Variants in MAD1L1 observed in about 807,000 individuals in gnomAD.
The protein encoded by MAD1L1 is mitotic arrest deficient 1 like 1.
A neutral mutation model predicts 96.9 loss-of-function variants in MAD1L1; 95 were observed. The ratio of observed to expected loss-of-function variants is 0.98; its 90% CI spans 0.83 to 1.16. MAD1L1 has a LOEUF of 1.16. MAD1L1 is among the 50% of genes most tolerant of loss of function. The pLI, the probability that MAD1L1 is intolerant of heterozygous loss-of-function variation, is 0.00. For missense variants in MAD1L1, 1,007 were observed against 954.4 expected (o/e 1.06, Z -0.73); for synonymous variants, 473 against 396.6 (o/e 1.19, Z -2.29).
At chr7:2,068,848 G>A (rs757398392) in intron 12 of MAD1L1, among the ~76,000 whole-genome samples, 2 of 152,210 alleles carry the variant, frequency 1.3e-5, no homozygotes, top group Non-Finnish European at 2.9e-5. Flanking sequence ...GGCATCACTG[G>A]ATGGGAAAGC....
intron 18 of MAD1L1, among the ~76,000 whole-genome samples, chr7:1,889,239 C>A (rs939714643): frequency 3.9e-5 from 6 of 152,240 alleles, no homozygotes; most frequent in Non-Finnish European, 5.9e-5. Context: ...CGGGTCCAGT[C>A]CCTCCCACCA....
chr7:2,061,582 C>T (rs965455421), intron 12 of MAD1L1, among the ~76,000 whole-genome samples: 4 of 152,188 alleles, frequency 2.6e-5, no homozygotes, highest in Non-Finnish European at 5.9e-5. Flanking sequence ...ATCCACACCC[C>T]AACAGGAGTG....
chr7:1,905,588 G>T (rs576868635), intron 17 of MAD1L1, among the ~76,000 whole-genome samples: 1 of 152,106 alleles, frequency 6.6e-6, no homozygotes, highest in East Asian at 1.9e-4. Context: ...TCCAGGCAGC[G>T]AGGACGCAGT....
intron 12 of MAD1L1, among the ~76,000 whole-genome samples, chr7:2,045,460 C>T (rs764934124): frequency 4.4e-4 from 67 of 152,302 alleles, no homozygotes; most frequent in Non-Finnish European, 8.5e-4. Flanking sequence ...CTCGGGAGCC[C>T]GCAGGGTCAC....
intron 12 of MAD1L1, among the ~76,000 whole-genome samples, chr7:2,040,616 T>C (rs1319709055): frequency 1.3e-5 from 2 of 152,238 alleles, no homozygotes; most frequent in African/African-American, 4.8e-5. Flanking sequence ...TCCCAGCTGC[T>C]ATTTACCTAG....
chr7:2,083,738 A>G (rs1196531293), intron 11 of MAD1L1, among the ~76,000 whole-genome samples: 1 of 152,264 alleles, frequency 6.6e-6, no homozygotes, highest in Non-Finnish European at 1.5e-5. Context: ...CAAGAAGACC[A>G]ACATTTCCTC....
intron 18 of MAD1L1, among the ~76,000 whole-genome samples, chr7:1,844,029 T>C (rs1032125187): frequency 6.6e-6 from 1 of 152,188 alleles, no homozygotes; most frequent in Admixed American, 6.5e-5. Flanking sequence ...AAGTGGAGCC[T>C]ATGCAGGAAC....
intron 18 of MAD1L1, among the ~76,000 whole-genome samples, chr7:1,841,091 G>A (rs1583518426): frequency 6.6e-6 from 1 of 152,208 alleles, no homozygotes; most frequent in African/African-American, 2.4e-5. Context: ...ACTCTGTGGG[G>A]GGCAGGTGCG....
intron 12 of MAD1L1, among the ~76,000 whole-genome samples, chr7:2,016,408 C>T (rs573086863): frequency 1.3e-5 from 2 of 152,250 alleles, no homozygotes; most frequent in Middle Eastern, 6.8e-3. Context: ...GGGAGCAAGA[C>T]CCCCACCCAG....
intron 15 of MAD1L1, among the ~76,000 whole-genome samples, chr7:1,961,964 A>G (rs997828714): frequency 5.9e-5 from 9 of 151,882 alleles, no homozygotes; most frequent in African/African-American, 2.2e-4. Context: ...GGAGATAATG[A>G]ATCACAGGGT....
intron 1 of MAD1L1, among the ~76,000 whole-genome samples, chr7:2,231,511 A>G (rs1689502604): frequency 6.6e-6 from 1 of 151,882 alleles, no homozygotes. Flanking sequence ...GGAGGCTGGG[A>G]CAGGAGATTT....
At chr7:2,072,435 G>A (rs371126132) in intron 11 of MAD1L1, among the ~76,000 whole-genome samples, 10 of 152,234 alleles carry the variant, frequency 6.6e-5, no homozygotes, top group Admixed American at 1.3e-4. Context: ...CCCTCCAGGC[G>A]CTCCATAACC....
intron 10 of MAD1L1, among the ~76,000 whole-genome samples, chr7:2,175,632 T>C (rs920608786): frequency 3.3e-5 from 5 of 151,516 alleles, no homozygotes; most frequent in African/African-American, 1.2e-4. Context: ...TCTGGCAACA[T>C]ACTTTTCTAT....
At chr7:1,862,163 C>T (rs1784565100) in intron 18 of MAD1L1, among the ~76,000 whole-genome samples, 1 of 152,208 alleles carries the variant, frequency 6.6e-6, no homozygotes, top group South Asian at 2.1e-4. Flanking sequence ...GAGCGGCACC[C>T]CGCAGCCTCG....
At chr7:1,859,993 G>A (rs543567652) in intron 18 of MAD1L1, among the ~76,000 whole-genome samples, 35 of 149,048 alleles carry the variant, frequency 2.3e-4, no homozygotes, top group Non-Finnish European at 5.0e-4. Context: ...GTGACATCCT[G>A]TGGGGCGGCC....
intron 17 of MAD1L1, among the ~76,000 whole-genome samples, chr7:1,932,531 ACT>A (rs1409807030): frequency 3.3e-5 from 5 of 152,194 alleles, no homozygotes; most frequent in African/African-American, 1.2e-4. Context: ...GATGCAGGTC[ACT>A]CTGCTAGAAA....
chr7:1,976,995 T>C (rs1479472227), intron 15 of MAD1L1, among the ~76,000 whole-genome samples: 2 of 152,194 alleles, frequency 1.3e-5, no homozygotes, highest in Non-Finnish European at 2.9e-5. Flanking sequence ...CAATCCTCTA[T>C]CTAGACATAA....
At chr7:2,191,877 A>G (rs1791737000) in intron 10 of MAD1L1, among the ~76,000 whole-genome samples, 1 of 152,020 alleles carries the variant, frequency 6.6e-6, no homozygotes, top group Non-Finnish European at 1.5e-5. Flanking sequence ...CTAAAAATAC[A>G]AAAACTAGCC....
chr7:2,147,410 C>T (rs942472466), intron 11 of MAD1L1, among the ~76,000 whole-genome samples: 2 of 152,236 alleles, frequency 1.3e-5, no homozygotes, highest in Non-Finnish European at 2.9e-5. Flanking sequence ...GAAGCCCACA[C>T]AGGGCAATAA....
Sources: allele counts gnomAD v4.1 joint callset (sites outside exome capture counted in the v4.1 genomes callset), GRCh38; gene constraint gnomAD v4.1.1; transcripts MANE v1.5; gene names NCBI Gene and HGNC (gene_info 2026-07-23, HGNC 2026-07-21).